The following SLC8A1 variants were observed in gnomAD, a reference collection of about 807,000 sequenced individuals.
SLC8A1 encodes the protein sodium/calcium exchanger 1.
Under a neutral mutation model 68.3 loss-of-function variants are expected in SLC8A1, and 18 were observed. The ratio of observed to expected loss-of-function variants is 0.26; its 90% CI spans 0.18 to 0.39. The LOEUF (loss-of-function observed/expected upper bound fraction) is 0.39. Among genes scored for constraint, SLC8A1 ranks in the 10% least tolerant of loss-of-function variants. The probability of loss-of-function intolerance (pLI) is 1.00; values close to 1 mark genes in which losing one functional copy is unlikely to be tolerated. For synonymous variants in SLC8A1, 475 were observed against 415.5 expected (o/e 1.14, Z -1.74); for missense variants, 985 against 1,156.7 (o/e 0.85, Z 2.15).
At chr2:40,400,710 A>T (rs1364620319) in intron 2 of SLC8A1, among the ~76,000 whole-genome samples, 1 of 152,116 alleles carries the variant, frequency 6.6e-6, no homozygotes, top group Non-Finnish European at 1.5e-5. Flanking sequence ...CCACGGAAAG[A>T]AAGGTACCAG....
intron 2 of SLC8A1, among the ~76,000 whole-genome samples, chr2:40,413,630 C>G (rs1460946872): frequency 3.3e-5 from 5 of 152,228 alleles, no homozygotes; most frequent in South Asian, 2.1e-4. Flanking sequence ...ATTTCAAATG[C>G]AAGTGAAAAC....
At chr2:40,460,157 A>C (rs1462967222) in intron 1 of SLC8A1, among the ~76,000 whole-genome samples, 2 of 152,230 alleles carry the variant, frequency 1.3e-5, no homozygotes, top group African/African-American at 4.8e-5. Flanking sequence ...TTTGAAGCCT[A>C]AAATAGATAT....
chr2:40,292,089 TAA>T (rs1348100817), intron 2 of SLC8A1, among the ~76,000 whole-genome samples: 2 of 152,044 alleles, frequency 1.3e-5, no homozygotes, highest in African/African-American at 4.8e-5. Flanking sequence ...AGAAACCACA[TAA>T]AGAGTATTAC....
At chr2:40,125,723 C>T (rs897086062) in intron 7 of SLC8A1, among the ~76,000 whole-genome samples, 5 of 151,668 alleles carry the variant, frequency 3.3e-5, no homozygotes, top group Admixed American at 2.0e-4. Context: ...TTCTTGGGCT[C>T]TTACTAGATA....
At chr2:40,441,289 G>C (rs1700430863) in intron 1 of SLC8A1, among the ~76,000 whole-genome samples, 1 of 151,380 alleles carries the variant, frequency 6.6e-6, no homozygotes, top group African/African-American at 2.4e-5. Flanking sequence ...GACAGAAATG[G>C]AAAAACATTC....
At chr2:40,237,782 T>C (rs1355051598) in intron 2 of SLC8A1, among the ~76,000 whole-genome samples, 1 of 152,192 alleles carries the variant, frequency 6.6e-6, no homozygotes, top group African/African-American at 2.4e-5. Context: ...GATGGGTTTT[T>C]GGTGTGGACG....
chr2:40,374,668 GAAC>G (rs1679221718), intron 2 of SLC8A1, among the ~76,000 whole-genome samples: 1 of 151,874 alleles, frequency 6.6e-6, no homozygotes, highest in Admixed American at 6.6e-5. Context: ...GACAGAATAA[GAAC>G]AATAACTTTC....
At chr2:40,422,293 T>A (rs1163189357) in intron 2 of SLC8A1, among the ~76,000 whole-genome samples, 1 of 152,290 alleles carries the variant, frequency 6.6e-6, no homozygotes, top group East Asian at 1.9e-4. Context: ...ATGGTCAGAT[T>A]TCAGCCATGG....
chr2:40,181,028 C>T (rs1175412135), intron 2 of SLC8A1, among the ~76,000 whole-genome samples: 2 of 151,704 alleles, frequency 1.3e-5, no homozygotes, highest in South Asian at 2.1e-4. Flanking sequence ...GGTGTGATCT[C>T]GGCTTACTGC....
intron 2 of SLC8A1, among the ~76,000 whole-genome samples, chr2:40,253,554 G>C (rs34971853): frequency 1.3e-5 from 2 of 151,846 alleles, no homozygotes; most frequent in South Asian, 2.1e-4. Context: ...GGCCTGGCGC[G>C]GTGGCTCATG....
At chr2:40,335,303 T>C (rs1665605653) in intron 2 of SLC8A1, among the ~76,000 whole-genome samples, 2 of 152,232 alleles carry the variant, frequency 1.3e-5, no homozygotes, top group African/African-American at 2.4e-5. Context: ...ATTTTTCTAA[T>C]TTCCTAGAAT....
intron 2 of SLC8A1, among the ~76,000 whole-genome samples, chr2:40,217,284 A>C (rs429227): frequency 0.14 from 22,004 of 152,110 alleles, 1,940 homozygotes; most frequent in African/African-American, 0.23. Context: ...GGTTTGTCAA[A>C]GATCTGATGG....
intron 1 of SLC8A1, among the ~76,000 whole-genome samples, chr2:40,482,714 T>C (rs1050909806): frequency 2.0e-5 from 3 of 152,092 alleles, no homozygotes; most frequent in South Asian, 4.1e-4. Context: ...ATGCCACTTA[T>C]AGACACTTCC....
chr2:40,165,150 T>C (rs2046335424), intron 4 of SLC8A1, among the ~76,000 whole-genome samples, 166 bp from the exon 8 acceptor site: 1 of 152,220 alleles, frequency 6.6e-6, no homozygotes, highest in African/African-American at 2.4e-5. Flanking sequence ...ACACTTGGCA[T>C]GTAAGGCAGC....
chr2:40,495,508 T>C (rs948067864), intron 1 of SLC8A1, among the ~76,000 whole-genome samples: 1 of 152,042 alleles, frequency 6.6e-6, no homozygotes. Context: ...TTAAGTAAAA[T>C]TGATAAGGAA....
intron 2 of SLC8A1, among the ~76,000 whole-genome samples, chr2:40,367,755 C>T (rs1352858560): frequency 6.6e-6 from 1 of 151,974 alleles, no homozygotes; most frequent in Non-Finnish European, 1.5e-5. Context: ...ACAATAATAT[C>T]TCAGGATCTG....
chr2:40,120,204 C>G (rs114656455), intron 7 of SLC8A1, among the ~76,000 whole-genome samples: 1,863 of 152,280 alleles, frequency 0.012, 44 homozygotes, highest in African/African-American at 0.042. Flanking sequence ...ATTCTTGGCT[C>G]TTAGTGTTCT....
At chr2:40,396,805 A>G (rs1001875415) in intron 2 of SLC8A1, among the ~76,000 whole-genome samples, 4 of 150,732 alleles carry the variant, frequency 2.7e-5, no homozygotes, top group Non-Finnish European at 5.9e-5. Context: ...GCAAACCAGC[A>G]AGAGAAACTG....
At chr2:40,156,288 C>A (rs972397475) in intron 6 of SLC8A1, among the ~76,000 whole-genome samples, 1 of 151,790 alleles carries the variant, frequency 6.6e-6, no homozygotes, top group Admixed American at 6.6e-5. Context: ...GATGATGAAA[C>A]CAAAAATCAG....
Sources: gnomAD v4.1 joint callset for allele counts (sites outside exome capture counted in the v4.1 genomes callset) on GRCh38, gnomAD v4.1.1 for gene constraint, MANE v1.5 for transcripts, NCBI Gene and HGNC (gene_info 2026-07-23, HGNC 2026-07-21) for gene names.